Variants in PTPRT observed in about 807,000 individuals in gnomAD.
PTPRT encodes the protein receptor-type tyrosine-protein phosphatase T.
In PTPRT, 56 loss-of-function variants were observed where a neutral mutation model predicts 176.8. The ratio of observed to expected loss-of-function variants is 0.32; its 90% CI spans 0.26 to 0.40. The LOEUF (loss-of-function observed/expected upper bound fraction) is 0.40, where lower values mean the gene tolerates loss of function less well. PTPRT is among the 10% of genes least tolerant of loss of function. The probability of loss-of-function intolerance (pLI) is 1.00; values close to 1 mark genes in which losing one functional copy is unlikely to be tolerated. For synonymous variants in PTPRT, 783 were observed against 739.0 expected (o/e 1.06, Z -0.96); for missense variants, 1,540 against 1,908.2 (o/e 0.81, Z 3.60).
rs115344957 is a variant in PTPRT, at chr20:42,321,617, C to T, written c.1866-5621G>A. On this transcript the variant is annotated intron_variant, in intron 11 of 30. Coordinates refer to ENST00000373187, the MANE Select transcript of PTPRT (RefSeq NM_007050.6). ...ACCACATCTCCTGATTTATTTCTTC[C>T]ACAGCTTTTATCATAATTGAAACAT... Among the ~76,000 whole-genome samples, 379 of 152,142 alleles carry T rather than the reference C, an allele frequency of 2.5e-3. 1 individual carries two copies. The highest frequency in any genetic ancestry group is 8.7e-3 in the African/African-American group (361 of 41,488).
chr20:42,246,990 T>A (rs1243702043), intron 14 of PTPRT, among the ~76,000 whole-genome samples: 1 of 152,214 alleles, frequency 6.6e-6, no homozygotes, highest in Admixed American at 6.5e-5. Flanking sequence ...AGCAGCAGAC[T>A]AGTCACTGGG....
chr20:42,558,263 AG>A (rs1411292426), intron 7 of PTPRT, among the ~76,000 whole-genome samples: 1 of 152,040 alleles, frequency 6.6e-6, no homozygotes, highest in African/African-American at 2.4e-5. Flanking sequence ...TTCCAGCGTT[AG>A]TTTTCTAAGT....
chr20:42,948,645 C>T (rs206654), intron 1 of PTPRT, among the ~76,000 whole-genome samples: 2 of 152,022 alleles, frequency 1.3e-5, no homozygotes, highest in South Asian at 2.1e-4. Context: ...AGAGATAAGA[C>T]AGAGAGAGAG....
intron 1 of PTPRT, among the ~76,000 whole-genome samples, chr20:42,977,632 A>G (rs999288844): frequency 6.6e-6 from 1 of 152,034 alleles, no homozygotes; most frequent in Non-Finnish European, 1.5e-5. Flanking sequence ...TCAGTACTAG[A>G]TTGTATATAA....
At chr20:42,098,800 A>G (rs1271502316) in intron 26 of PTPRT, among the ~76,000 whole-genome samples, 1 of 152,208 alleles carries the variant, frequency 6.6e-6, no homozygotes, top group Non-Finnish European at 1.5e-5. Context: ...CAAATAAATT[A>G]TTTATGCCTC....
At chr20:42,631,167 A>C (rs1268089602) in intron 7 of PTPRT, among the ~76,000 whole-genome samples, 4 of 152,190 alleles carry the variant, frequency 2.6e-5, no homozygotes, top group Non-Finnish European at 4.4e-5. Flanking sequence ...TGTCTTATAC[A>C]GAAGGTCTAC....
intron 7 of PTPRT, among the ~76,000 whole-genome samples, chr20:42,585,999 T>C (rs2073465469): frequency 6.6e-6 from 1 of 152,222 alleles, no homozygotes; most frequent in African/African-American, 2.4e-5. Context: ...CTGGTATTCT[T>C]ACTCAGCTCA....
At chr20:42,976,626 C>G (rs1055649988) in intron 1 of PTPRT, among the ~76,000 whole-genome samples, 137 of 152,208 alleles carry the variant, frequency 9.0e-4, no homozygotes, top group African/African-American at 3.0e-3. Context: ...AGGCTAGTCT[C>G]AAACTCCTGA....
At chr20:42,737,418 G>C (rs958277315) in intron 6 of PTPRT, among the ~76,000 whole-genome samples, 3 of 152,070 alleles carry the variant, frequency 2.0e-5, no homozygotes, top group African/African-American at 4.8e-5. Flanking sequence ...ATCACCTGAC[G>C]TCAGGAGTCC....
At chr20:42,836,392 G>A (rs1364431709) in intron 2 of PTPRT, among the ~76,000 whole-genome samples, 1 of 152,198 alleles carries the variant, frequency 6.6e-6, no homozygotes, top group Non-Finnish European at 1.5e-5. Context: ...ACTTCCAGCT[G>A]TTGAATAAAT....
chr20:43,046,253 T>C (rs1320356096), intron 1 of PTPRT, among the ~76,000 whole-genome samples: 1 of 151,994 alleles, frequency 6.6e-6, no homozygotes, highest in African/African-American at 2.4e-5. Context: ...ATGCAGCTGT[T>C]ACATCAGTCC....
chr20:42,594,717 A>G (rs1393036381), intron 7 of PTPRT, among the ~76,000 whole-genome samples: 1 of 152,166 alleles, frequency 6.6e-6, no homozygotes, highest in Admixed American at 6.5e-5. Flanking sequence ...TCTCAGGTAC[A>G]GAATGTCCAG....
intron 1 of PTPRT, among the ~76,000 whole-genome samples, chr20:43,050,955 GT>G (rs1568754846): frequency 6.6e-6 from 1 of 152,290 alleles, no homozygotes; most frequent in East Asian, 1.9e-4. Flanking sequence ...TCCCAAGGCA[GT>G]TTTTTGAAGC....
chr20:43,100,595 T>C (rs562240826), intron 1 of PTPRT, among the ~76,000 whole-genome samples: 11 of 152,344 alleles, frequency 7.2e-5, no homozygotes, highest in African/African-American at 2.2e-4. Context: ...AGACAGAATT[T>C]TCATTCCATA....
chr20:43,115,569 G>A (rs1051281475), intron 1 of PTPRT, among the ~76,000 whole-genome samples: 10 of 152,162 alleles, frequency 6.6e-5, no homozygotes, highest in African/African-American at 2.4e-4. Context: ...TGTCACAGCT[G>A]AGGAAGAGAA....
At chr20:42,563,179 C>T (rs755672925) in intron 7 of PTPRT, among the ~76,000 whole-genome samples, 17 of 152,122 alleles carry the variant, frequency 1.1e-4, no homozygotes, top group African/African-American at 3.1e-4. Context: ...ATCCTTAATA[C>T]GCAAAGGGCT....
chr20:42,039,161 T>G, the PTPRT span, among the ~76,000 whole-genome samples: 1 of 152,156 alleles, frequency 6.6e-6, no homozygotes, highest in Non-Finnish European at 1.5e-5. Context: ...ACATGCAAAG[T>G]GCTTTCTTCT....
intron 16 of PTPRT, among the ~76,000 whole-genome samples, chr20:42,184,664 G>A (rs1453890907): frequency 6.8e-6 from 1 of 146,756 alleles, no homozygotes; most frequent in Non-Finnish European, 1.5e-5. Context: ...GTTTCACTCT[G>A]TTGCCCAGGT....
chr20:42,316,077 A>G (rs1024399905), intron 11 of PTPRT, 81 bp from the exon 12 acceptor site: 20 of 1,475,746 alleles, frequency 1.4e-5, no homozygotes, highest in East Asian at 6.8e-5. Context: ...TGTCAACCCA[A>G]CTTCTCCTAT....
Sources: gnomAD v4.1 joint callset for allele counts (sites outside exome capture counted in the v4.1 genomes callset) on GRCh38, gnomAD v4.1.1 for gene constraint, MANE v1.5 for transcripts, NCBI Gene and HGNC (gene_info 2026-07-23, HGNC 2026-07-21) for gene names.